Variants in FER observed in about 807,000 individuals in gnomAD.
FER encodes tyrosine-protein kinase Fer.
A neutral mutation model predicts 111.0 loss-of-function variants in FER; 63 were observed. That is an observed-to-expected ratio of 0.57 (90% CI 0.46 to 0.70). The LOEUF (loss-of-function observed/expected upper bound fraction) is 0.70. Ranked by LOEUF, FER falls within the 30% of genes least tolerant of loss-of-function variation. The pLI, the probability that FER is intolerant of heterozygous loss-of-function variation, is 0.00. For missense variants in FER, 914 were observed against 954.0 expected (o/e 0.96, Z 0.55); for synonymous variants, 327 against 313.9 (o/e 1.04, Z -0.44).
chr5:108,901,192 C>T (rs953972002), intron 10 of FER, among the ~76,000 whole-genome samples: 2 of 151,506 alleles, frequency 1.3e-5, no homozygotes, highest in African/African-American at 4.9e-5. Context: ...GGTCTGCTAG[C>T]ACCTTGATCT....
At chr5:108,904,201 A>G (rs1750431190) in intron 10 of FER, among the ~76,000 whole-genome samples, 1 of 152,162 alleles carries the variant, frequency 6.6e-6, no homozygotes, top group Non-Finnish European at 1.5e-5. Context: ...CTTTTACTCT[A>G]ATTGGAGGGG....
chr5:109,102,338 A>C (rs1233055725), intron 17 of FER, among the ~76,000 whole-genome samples: 1 of 152,120 alleles, frequency 6.6e-6, no homozygotes, highest in Admixed American at 6.6e-5. Flanking sequence ...TCCCAGTTGA[A>C]CATCTTGAAC....
At position 109,180,944 on chromosome 5, in the gene FER, G is replaced by A. The variant is rs775429379; in HGVS notation, c.2203+43G>A. 1.5e-5 allele frequency: 23 copies of A among 1,520,196 alleles called. 1 individual carries two copies. Among genetic ancestry groups the A allele is most frequent in the African/African-American group, 4.2e-5 (3 of 70,788 alleles). The allele number at this position is 1,520,196 out of a possible 1,614,324, so 94.2% of individuals were successfully genotyped here. On this transcript the variant is annotated intron_variant, in intron 18 of 19. Coordinates refer to ENST00000281092, the MANE Select transcript of FER (RefSeq NM_005246.4). ...TTTTTTTTTAATGGTAAAAATGAAC[G>A]GCATCAGCATAAAACATTCACAAGC...
intron 17 of FER, among the ~76,000 whole-genome samples, chr5:109,151,774 T>C (rs143071687): frequency 2.3e-3 from 350 of 152,250 alleles, no homozygotes; most frequent in African/African-American, 8.1e-3. Flanking sequence ...GTGGACATTT[T>C]TACAGACGAA....
In FER at chr5:109,015,737, C is replaced by T. The variant is rs1767006873; in HGVS notation, c.1657-21685C>T. Reference sequence around the variant, plus strand: ...TCATGAGCAACCCTATATTTTAAAGCAGAAATATGATTTTCTTAGTGTAAA... The same window carrying T: ...TCATGAGCAACCCTATATTTTAAAGTAGAAATATGATTTTCTTAGTGTAAA... On this transcript the variant is annotated intron_variant, in intron 13 of 19. Coordinates refer to ENST00000281092, the MANE Select transcript of FER (RefSeq NM_005246.4). 5.3e-5 allele frequency among the ~76,000 whole-genome samples: 8 copies of T among 152,068 alleles called. No individual in the cohort carries two copies. The South Asian group carries it at 1.7e-3, about 32-fold the overall frequency.
chr5:108,793,525 G>GGGT (rs1755640940), intron 2 of FER, among the ~76,000 whole-genome samples: 2 of 136,732 alleles, frequency 1.5e-5, no homozygotes, highest in Non-Finnish European at 3.2e-5. Flanking sequence ...GGGGCGGGGG[G>GGGT]GGTGGTTATA....
chr5:109,006,345 T>C (rs1765494678), intron 13 of FER, among the ~76,000 whole-genome samples: 1 of 152,308 alleles, frequency 6.6e-6, no homozygotes, highest in East Asian at 1.9e-4. Flanking sequence ...TGTGCTGTTC[T>C]TGTGAGAGTA....
In FER at chr5:109,185,094, C is replaced by T. The variant is rs540101422; in HGVS notation, c.2204-1106C>T. 1.4e-4 allele frequency among the ~76,000 whole-genome samples: 21 copies of T among 152,256 alleles called. No homozygotes were observed. In the South Asian group the frequency reaches 4.3e-3, roughly 32 times the overall value. On this transcript the variant is annotated intron_variant, in intron 18 of 19. Transcript: ENST00000281092. ...GGAAACTCTTAGCTTCTTGGAGAGGCTGGAGATTGGAAAAAACTGATCTGC... is the reference window on the plus strand; with the variant it reads ...GGAAACTCTTAGCTTCTTGGAGAGGTTGGAGATTGGAAAAAACTGATCTGC...
At chr5:109,006,079 T>C (rs1489232581) in intron 13 of FER, among the ~76,000 whole-genome samples, 2 of 152,242 alleles carry the variant, frequency 1.3e-5, no homozygotes, top group Non-Finnish European at 2.9e-5. Context: ...ACTTATATGC[T>C]TTTTGTAACA....
chr5:108,880,878 A>C (rs902733004), intron 8 of FER, among the ~76,000 whole-genome samples: 69 of 152,184 alleles, frequency 4.5e-4, no homozygotes, highest in African/African-American at 1.5e-3. Context: ...CTCTAAATAA[A>C]AATGAAATAA....
intron 10 of FER, among the ~76,000 whole-genome samples, chr5:108,899,945 T>C (rs1448217770): frequency 6.6e-6 from 1 of 152,232 alleles, no homozygotes; most frequent in Non-Finnish European, 1.5e-5. Context: ...TTCCGGCACC[T>C]TCAAGTTCTG....
At chr5:109,141,466 A>G (rs548282655) in intron 17 of FER, among the ~76,000 whole-genome samples, 1 of 152,348 alleles carries the variant, frequency 6.6e-6, no homozygotes, top group South Asian at 2.1e-4. Context: ...CAGAAGCTAG[A>G]AAAGTTTTGA....
At chr5:108,935,825 C>G (rs946183543) in intron 10 of FER, among the ~76,000 whole-genome samples, 1 of 152,014 alleles carries the variant, frequency 6.6e-6, no homozygotes, top group Non-Finnish European at 1.5e-5. Flanking sequence ...AAAGCCAGGC[C>G]TAGAGCATAG....
At chr5:108,833,766 C>T (rs1377873805) in intron 4 of FER, among the ~76,000 whole-genome samples, 22 of 151,556 alleles carry the variant, frequency 1.5e-4, no homozygotes, top group Admixed American at 1.4e-3. Context: ...CCCAGCTACT[C>T]AGGAGGCTGA....
chr5:109,075,188 A>G (rs1307692474), intron 16 of FER, among the ~76,000 whole-genome samples: 1 of 152,026 alleles, frequency 6.6e-6, no homozygotes, highest in Non-Finnish European at 1.5e-5. Context: ...TTAAAGAGTA[A>G]TTCCAAAGAT....
intron 13 of FER, among the ~76,000 whole-genome samples, chr5:108,972,326 A>C (rs1388479021): frequency 6.6e-6 from 1 of 152,036 alleles, no homozygotes; most frequent in African/African-American, 2.4e-5. Flanking sequence ...TGGTCTCTTC[A>C]ACCCACATAA....
intron 5 of FER, among the ~76,000 whole-genome samples, chr5:108,859,591 C>T (rs932134623): frequency 2.0e-5 from 3 of 152,058 alleles, no homozygotes; most frequent in Non-Finnish European, 2.9e-5. Context: ...TATGCTGCTG[C>T]CATATCCCAG....
intron 4 of FER, 39 bp from the exon 5 acceptor site, chr5:108,835,667 TAA>T (rs1760581640): frequency 4.7e-6 from 6 of 1,289,594 alleles, no homozygotes; most frequent in Non-Finnish European, 6.5e-6. Context: ...AATTTAAATT[TAA>T]ACAATTTAAT....
intron 16 of FER, among the ~76,000 whole-genome samples, chr5:109,088,727 A>G (rs1022335162): frequency 6.6e-6 from 1 of 152,174 alleles, no homozygotes; most frequent in Non-Finnish European, 1.5e-5. Context: ...AGTAAGTTAT[A>G]TAAAGGGCTA....
Sources: gnomAD v4.1 joint callset for allele counts (sites outside exome capture counted in the v4.1 genomes callset) on GRCh38, gnomAD v4.1.1 for gene constraint, MANE v1.5 for transcripts, NCBI Gene and HGNC (gene_info 2026-07-23, HGNC 2026-07-21) for gene names.